KIRREL3: variants seen among roughly 807,000 people sequenced by gnomAD.
KIRREL3 encodes kin of IRRE-like protein 3.
In KIRREL3, 36 loss-of-function variants were observed where a neutral mutation model predicts 89.7. The observed-to-expected ratio is 0.40, with a 90% CI of 0.31 to 0.53. The LOEUF is 0.53. KIRREL3 is among the 20% of genes least tolerant of loss of function. KIRREL3 has a pLI of 0.49. For missense variants in KIRREL3, 864 were observed against 1,056.6 expected, an observed-to-expected ratio of 0.82 and a Z score of 2.53; for synonymous variants, 445 against 441.4, an observed-to-expected ratio of 1.01 and a Z score of -0.10.
chr11:126,966,762 G>T (rs1019118501), intron 1 of KIRREL3, among the ~76,000 whole-genome samples: 6 of 152,106 alleles, frequency 3.9e-5, no homozygotes, highest in African/African-American at 9.7e-5. Context: ...ACCTGTATAT[G>T]CCTCGGTTTT....
At chr11:126,863,418 A>AGTGTGTGTTTGAGT (rs1565362768) in intron 1 of KIRREL3, among the ~76,000 whole-genome samples, 1 of 14,738 alleles carries the variant, frequency 6.8e-5, no homozygotes. Context: ...TGCGTGTGTG[A>AGTGTGTGTTTGAGT]GCGCATGTGT....
intron 1 of KIRREL3, among the ~76,000 whole-genome samples, chr11:126,973,147 C>A (rs1163670215): frequency 6.9e-6 from 1 of 144,726 alleles, no homozygotes; most frequent in Non-Finnish European, 1.5e-5. Flanking sequence ...CGAGGCCAAT[C>A]TGCATGAGCA....
At chr11:126,452,751 C>T (rs562058850) in intron 7 of KIRREL3, among the ~76,000 whole-genome samples, 6 of 152,254 alleles carry the variant, frequency 3.9e-5, no homozygotes, top group South Asian at 2.1e-4. Context: ...GGAAGAGGAC[C>T]GGAGCCGCTG....
At position 126,668,215 on chromosome 11, in the gene KIRREL3, A is replaced by G. The variant is rs1738891035; in HGVS notation, c.56-105303T>C. Among the ~76,000 whole-genome samples the G allele has an allele frequency of 6.6e-6, 1 of 152,206 alleles. No individual in the cohort carries two copies. The highest frequency in any genetic ancestry group is 2.1e-4 in the South Asian group (1 of 4,830). The stretch of plus-strand genomic sequence containing the variant: ...GTGACTGGTGAGGGCTGGCTTCTTC[A>G]TAGGCAGTGCCTTCTCTCTGTGTCC... On this transcript the variant is annotated intron_variant, in intron 1 of 16. Coordinates refer to ENST00000525144, the MANE Select transcript of KIRREL3 (RefSeq NM_032531.4). The surrounding 1 kb of genome is among the most constrained non-coding windows in gnomAD (Gnocchi z 4.4).
In KIRREL3 at chr11:126,498,363, G is replaced by C. The variant is rs918070315; in HGVS notation, c.433+22952C>G. Among the ~76,000 whole-genome samples the C allele has an allele frequency of 2.6e-5, 4 of 152,122 alleles. No individual in the cohort carries two copies. The highest frequency in any genetic ancestry group is 4.4e-5 in the Non-Finnish European group (3 of 68,040). On this transcript the variant is annotated intron_variant, in intron 4 of 16. Coordinates refer to ENST00000525144, the MANE Select transcript of KIRREL3 (RefSeq NM_032531.4). The surrounding 1 kb of genome is among the most constrained non-coding windows in gnomAD (Gnocchi z 4.3). ...TCATAACATTCCTCAGTAAACAGCAGCCTCTCTTTAATAAGCCAGGCTCTT... is the reference window on the plus strand; with the variant it reads ...TCATAACATTCCTCAGTAAACAGCACCCTCTCTTTAATAAGCCAGGCTCTT...
At position 126,612,431 on chromosome 11, in the gene KIRREL3, A is replaced by G. The variant is rs2134799995; in HGVS notation, c.56-49519T>C. On this transcript the variant is annotated intron_variant, in intron 1 of 16. Coordinates refer to ENST00000525144, the MANE Select transcript of KIRREL3 (RefSeq NM_032531.4). This position sits in a 1 kb window ranked among gnomAD's most constrained non-coding sequence, Gnocchi z 4.5. The stretch of plus-strand genomic sequence containing the variant: ...ACTTGTGTTCTCTATGCATCCTATC[A>G]CCTGGCTCTGCTACTAACTGTCTCA... Among the ~76,000 whole-genome samples, 1 of 152,268 alleles carries G rather than the reference A, an allele frequency of 6.6e-6. No individual in the cohort carries two copies. Among genetic ancestry groups the G allele is most frequent in the South Asian group, 2.1e-4 (1 of 4,816 alleles).
chr11:126,909,612 G>GT lies in KIRREL3; in HGVS notation c.55+90842dup, dbSNP rs2134895028. Among the ~76,000 whole-genome samples the GT allele has an allele frequency of 6.6e-6, 1 of 152,208 alleles. No homozygotes were observed. Among genetic ancestry groups the GT allele is most frequent in the East Asian group, 1.9e-4 (1 of 5,168 alleles). ...GGAGTCGCAACAGCACCTGTCTCTG[G>GT]TGTCCTCCACCCTTTCAGCAGGCCA... On this transcript the variant is annotated intron_variant, in intron 1 of 16. Transcript: ENST00000525144. This position sits in a 1 kb window ranked among gnomAD's most constrained non-coding sequence, Gnocchi z 4.5.
rs114418263 is a variant in KIRREL3, at chr11:126,645,647, A to G, written c.56-82735T>C. ...CTAGGTTTCTGAAGAAGAAAAGGTA[A>G]GAAGGACTCTCAAAGCCTTTGTTAA... On this transcript the variant is annotated intron_variant, in intron 1 of 16. Transcript: ENST00000525144. The surrounding 1 kb of genome is among the most constrained non-coding windows in gnomAD (Gnocchi z 4.9). Among the ~76,000 whole-genome samples, 2,525 of 152,318 alleles carry G rather than the reference A, an allele frequency of 0.017. 26 individuals carry two copies. Among genetic ancestry groups the G allele is most frequent in the Middle Eastern group, 0.082 (24 of 292 alleles).
chr11:126,681,609 G>GACAGACACACACAC (rs143053581), intron 1 of KIRREL3, among the ~76,000 whole-genome samples: 1,870 of 150,378 alleles, frequency 0.012, 18 homozygotes, highest in Non-Finnish European at 0.015. Flanking sequence ...TGTATATACA[G>GACAGACACACACAC]ACACACACAC....
intron 1 of KIRREL3, among the ~76,000 whole-genome samples, chr11:126,725,208 G>C (rs1592026070): frequency 6.6e-6 from 1 of 152,188 alleles, no homozygotes; most frequent in Non-Finnish European, 1.5e-5. Context: ...GTATGGGAGA[G>C]GACAGCGTGG....
At chr11:126,732,180 A>G (rs1370046747) in intron 1 of KIRREL3, among the ~76,000 whole-genome samples, 1 of 152,262 alleles carries the variant, frequency 6.6e-6, no homozygotes, top group African/African-American at 2.4e-5. Flanking sequence ...TGAGCCAGAG[A>G]TTTAGGAAGG....
intron 1 of KIRREL3, among the ~76,000 whole-genome samples, chr11:126,866,645 C>T (rs1944932845): frequency 6.7e-6 from 1 of 149,216 alleles, no homozygotes; most frequent in Non-Finnish European, 1.5e-5. Flanking sequence ...CCACCCTCCT[C>T]ACTGCCCCCC....
At chr11:126,971,792 T>G (rs764853397) in intron 1 of KIRREL3, among the ~76,000 whole-genome samples, 4 of 152,190 alleles carry the variant, frequency 2.6e-5, no homozygotes, top group Non-Finnish European at 4.4e-5. Flanking sequence ...AGGAAAATCT[T>G]GCTTATTTTG....
chr11:126,786,933 T>A (rs1565730600), intron 1 of KIRREL3, among the ~76,000 whole-genome samples: 1 of 152,196 alleles, frequency 6.6e-6, no homozygotes, highest in Non-Finnish European at 1.5e-5. Context: ...TCTTTCCTAA[T>A]GAGCAGAAGG....
chr11:126,611,827 AC>A lies in KIRREL3; in HGVS notation c.56-48916del, dbSNP rs1431816813. ...CAGGAATGGATCACACCTTGGCTGG[AC>A]CCATCAGGCTGGAACACCAGATTCT... On this transcript the variant is annotated intron_variant, in intron 1 of 16. Transcript: ENST00000525144. This position sits in a 1 kb window ranked among gnomAD's most constrained non-coding sequence, Gnocchi z 4.7. 1.3e-5 allele frequency among the ~76,000 whole-genome samples: 2 copies of A among 152,150 alleles called. No homozygotes were observed. Among genetic ancestry groups the A allele is most frequent in the Non-Finnish European group, 1.5e-5 (1 of 68,022 alleles).
chr11:126,841,774 C>T (rs961812559), intron 1 of KIRREL3, among the ~76,000 whole-genome samples: 1 of 152,256 alleles, frequency 6.6e-6, no homozygotes, highest in Admixed American at 6.5e-5. Flanking sequence ...CATCCGCTTT[C>T]ATTGTTGTTG....
In KIRREL3 at chr11:126,435,278, C is replaced by T. The variant is rs1310206855; in HGVS notation, c.1578G>A (p.Gly526=). The T allele has an allele frequency of 1.2e-6, 2 of 1,613,862 alleles. No homozygotes were observed. Among genetic ancestry groups the T allele is most frequent in the South Asian group, 2.2e-5 (2 of 91,086 alleles). ...EQGSEMKSGA[G]LEAESVPMAV... ...CATCTCCTTCCGTACCTGCTTCCAG[C>T]CCGGCTCCCGACTTCATTTCCGAAC... is the stretch of plus-strand genomic sequence containing the variant. Residue 526 remains glycine, a synonymous_variant, in exon 13 of 17, where the codon GGG becomes GGA. Coordinates refer to ENST00000525144, the MANE Select transcript of KIRREL3 (RefSeq NM_032531.4).
intron 1 of KIRREL3, among the ~76,000 whole-genome samples, chr11:126,711,568 A>T (rs911853655): frequency 6.6e-6 from 1 of 152,192 alleles, no homozygotes; most frequent in Non-Finnish European, 1.5e-5. Flanking sequence ...TCTCAAAAAA[A>T]CCCAAAAAAC....
In KIRREL3 at chr11:126,603,521, C is replaced by T. The variant is rs996241854; in HGVS notation, c.56-40609G>A. On this transcript the variant is annotated intron_variant, in intron 1 of 16. Transcript: ENST00000525144. The stretch of plus-strand genomic sequence containing the variant: ...GAAGGGGAGAGGGGGCACACAGAAA[C>T]CTCAATGGCTGGCCCCTGTCTGGTC... 3.9e-5 allele frequency among the ~76,000 whole-genome samples: 6 copies of T among 152,372 alleles called. No individual in the cohort carries two copies. In the South Asian group the frequency reaches 6.2e-4, roughly 16 times the overall value.
Sources: allele counts gnomAD v4.1 joint callset (sites outside exome capture counted in the v4.1 genomes callset), GRCh38; gene constraint gnomAD v4.1.1; non-coding constraint Gnocchi (gnomAD v3.1); transcripts MANE v1.5; gene names NCBI Gene and HGNC (gene_info 2026-07-23, HGNC 2026-07-21).